PHACTR3: variants seen among roughly 807,000 people sequenced by gnomAD.
The protein encoded by PHACTR3 is phosphatase and actin regulator 3.
Under a neutral mutation model 66.8 loss-of-function variants are expected in PHACTR3, and 16 were observed. That is an observed-to-expected ratio of 0.24 (90% CI 0.16 to 0.36). The LOEUF is 0.36. PHACTR3 is among the 10% of genes least tolerant of loss of function. PHACTR3 has a pLI of 1.00. For synonymous variants in PHACTR3, 323 were observed against 292.1 expected (o/e 1.11, Z -1.08); for missense variants, 647 against 719.9 (o/e 0.90, Z 1.16).
intron 1 of PHACTR3, among the ~76,000 whole-genome samples, chr20:59,713,352 T>C (rs925662820): frequency 1.8e-4 from 27 of 152,238 alleles, no homozygotes; most frequent in African/African-American, 5.5e-4. Context: ...TTTCTTTTAA[T>C]GTAAAAAAAT....
intron 1 of PHACTR3, among the ~76,000 whole-genome samples, chr20:59,643,639 G>A (rs1046675611): frequency 6.6e-6 from 1 of 152,222 alleles, no homozygotes; most frequent in African/African-American, 2.4e-5. Context: ...TAAAATCCCA[G>A]TGGGAGAATT....
At chr20:59,636,126 G>A (rs917312111) in intron 1 of PHACTR3, among the ~76,000 whole-genome samples, 7 of 152,198 alleles carry the variant, frequency 4.6e-5, no homozygotes, top group South Asian at 4.2e-4. Flanking sequence ...TCACTTTTAT[G>A]TATTTATTTT....
intron 1 of PHACTR3, among the ~76,000 whole-genome samples, chr20:59,624,131 C>T (rs1161417013): frequency 3.3e-5 from 5 of 152,044 alleles, no homozygotes; most frequent in South Asian, 2.1e-4. Context: ...TGGCTTTCTT[C>T]GATGTGAGCC....
rs200149468 is a variant in PHACTR3, at chr20:59,767,339, C to G, written c.695C>G (p.Pro232Arg). ...TCCGTGGGCCAGCTCCCCAGCCCCCCACTGCTGCCCACTCCGCCACCCAAG... is the reference window on the plus strand; with the variant it reads ...TCCGTGGGCCAGCTCCCCAGCCCCCGACTGCTGCCCACTCCGCCACCCAAG... ...ERSVGQLPSP[P>R]LLPTPPPKAS... The change falls in exon 5 of 13, where the codon CCA becomes CGA. Residue 232 changes from proline to arginine, a missense_variant. Around this residue, in one of 2 missense-constraint regions of PHACTR3, gnomAD observed 577 missense variants for 571.1 expected, o/e 1.01. Transcript: ENST00000371015. 3.7e-6 allele frequency: 6 copies of G among 1,614,136 alleles called. No individual in the cohort carries two copies. The highest frequency in any genetic ancestry group is 2.2e-5 in the East Asian group (1 of 44,880).
chr20:59,818,044 C>T (rs890843013), intron 8 of PHACTR3, among the ~76,000 whole-genome samples: 11 of 152,158 alleles, frequency 7.2e-5, no homozygotes, highest in African/African-American at 2.7e-4. Context: ...CTGTCAGTAT[C>T]CTAGGGAGCC....
At chr20:59,819,831 C>G (rs2041984768) in intron 8 of PHACTR3, among the ~76,000 whole-genome samples, 1 of 152,042 alleles carries the variant, frequency 6.6e-6, no homozygotes, top group Non-Finnish European at 1.5e-5. Flanking sequence ...CACCCATCAA[C>G]TGAGGCACCT....
At chr20:59,722,393 G>A (rs2038351324) in intron 1 of PHACTR3, among the ~76,000 whole-genome samples, 1 of 152,168 alleles carries the variant, frequency 6.6e-6, no homozygotes, top group Non-Finnish European at 1.5e-5. Flanking sequence ...TGGCAGAGAG[G>A]GTGGCTGATT....
chr20:59,581,403 G>A (rs2032852938), intron 1 of PHACTR3, among the ~76,000 whole-genome samples: 1 of 152,168 alleles, frequency 6.6e-6, no homozygotes, highest in African/African-American at 2.4e-5. Context: ...CACAGCCAGT[G>A]GCCCCTCAGG....
At chr20:59,766,932 A>G (rs2040199408) in intron 4 of PHACTR3, among the ~76,000 whole-genome samples, 1 of 152,184 alleles carries the variant, frequency 6.6e-6, no homozygotes, top group Admixed American at 6.5e-5. Flanking sequence ...GAGCTGTGGC[A>G]TGGACCTCTC....
intron 8 of PHACTR3, 109 bp from the exon 9 acceptor site, chr20:59,836,396 G>T: frequency 1.0e-6 from 1 of 972,514 alleles, no homozygotes; most frequent in Non-Finnish European, 1.5e-6. Flanking sequence ...TCCAATTTTG[G>T]GAGGCGATCT....
chr20:59,764,571 G>C (rs368183524), intron 4 of PHACTR3, among the ~76,000 whole-genome samples: 2 of 152,292 alleles, frequency 1.3e-5, no homozygotes, highest in South Asian at 4.2e-4. Flanking sequence ...AAAGTCACTC[G>C]TCTGTAAATA....
intron 1 of PHACTR3, among the ~76,000 whole-genome samples, chr20:59,662,979 G>A (rs1403542634): frequency 6.6e-6 from 1 of 152,240 alleles, no homozygotes; most frequent in African/African-American, 2.4e-5. Flanking sequence ...GCAGGCCAGA[G>A]GTCTGAAGTC....
intron 4 of PHACTR3, among the ~76,000 whole-genome samples, chr20:59,763,935 G>T (rs182402918): frequency 6.6e-6 from 1 of 152,204 alleles, no homozygotes; most frequent in Admixed American, 6.5e-5. Flanking sequence ...AGTGTTAAAG[G>T]TCATCTTTCA....
At chr20:59,700,730 G>A (rs1411335169) in intron 1 of PHACTR3, among the ~76,000 whole-genome samples, 1 of 152,168 alleles carries the variant, frequency 6.6e-6, no homozygotes, top group Non-Finnish European at 1.5e-5. Flanking sequence ...AGTGATGAGT[G>A]CATGGTAGTT....
chr20:59,806,403 G>A (rs2041571786), intron 8 of PHACTR3, among the ~76,000 whole-genome samples: 1 of 152,200 alleles, frequency 6.6e-6, no homozygotes, highest in South Asian at 2.1e-4. Context: ...ATGTTTAGCG[G>A]CATTCTCGGC....
At chr20:59,834,270 C>T (rs755915027) in intron 8 of PHACTR3, among the ~76,000 whole-genome samples, 2 of 152,200 alleles carry the variant, frequency 1.3e-5, no homozygotes, top group African/African-American at 2.4e-5. Context: ...TTCCTGCTTC[C>T]GAGCCCTTCT....
At chr20:59,749,358 A>G (rs1478127479) in intron 3 of PHACTR3, among the ~76,000 whole-genome samples, 2 of 152,224 alleles carry the variant, frequency 1.3e-5, no homozygotes, top group Admixed American at 6.5e-5. Context: ...GTTCCTCTCA[A>G]AAATGAAGCT....
intron 1 of PHACTR3, among the ~76,000 whole-genome samples, chr20:59,631,886 G>A (rs1405806778): frequency 6.6e-6 from 1 of 152,148 alleles, no homozygotes; most frequent in Non-Finnish European, 1.5e-5. Flanking sequence ...GGTCCTCAGA[G>A]CTGAGGTCTG....
chr20:59,676,701 C>T (rs370629551), intron 1 of PHACTR3: 11 of 985,014 alleles, frequency 1.1e-5, no homozygotes, highest in East Asian at 1.1e-4. Flanking sequence ...CAGAAGCCCG[C>T]GGGGAGAGCA....
Sources: gnomAD v4.1 joint callset for allele counts (sites outside exome capture counted in the v4.1 genomes callset) on GRCh38, gnomAD v4.1.1 for gene constraint, gnomAD v4.1.1 regional missense constraint, MANE v1.5 for transcripts, NCBI Gene and HGNC (gene_info 2026-07-23, HGNC 2026-07-21) for gene names.